The following IDO2 variants were observed in gnomAD, a reference collection of about 807,000 sequenced individuals.
The protein encoded by IDO2 is indoleamine 2,3-dioxygenase 2, also known as indoleamine 2,3-dioxygenase-like 1 protein.
In IDO2, 46 loss-of-function variants were observed where a neutral mutation model predicts 45.1. The ratio of observed to expected loss-of-function variants is 1.02; its 90% CI spans 0.80 to 1.30. The LOEUF (loss-of-function observed/expected upper bound fraction) is 1.30, where lower values mean the gene tolerates loss of function less well. IDO2 is among the 50% of genes most tolerant of loss of function. IDO2 has a pLI of 0.00. For synonymous variants in IDO2, 218 were observed against 184.9 expected, an observed-to-expected ratio of 1.18 and a Z score of -1.45; for missense variants, 544 against 491.8, an observed-to-expected ratio of 1.11 and a Z score of -1.00.
intron 2 of IDO2, among the ~76,000 whole-genome samples, chr8:39,956,170 C>T (rs1163340971): frequency 6.6e-6 from 1 of 151,546 alleles, no homozygotes; most frequent in Admixed American, 6.6e-5. Context: ...GAGAGTCTCT[C>T]GACTCAGCCT....
At chr8:39,978,079 A>G (rs912376738) in intron 3 of IDO2, among the ~76,000 whole-genome samples, 1 of 152,184 alleles carries the variant, frequency 6.6e-6, no homozygotes, top group African/African-American at 2.4e-5. Context: ...ATGGTGAATG[A>G]GAGCTCATTT....
At chr8:39,942,314 C>A (rs1585393671) in intron 1 of IDO2, among the ~76,000 whole-genome samples, 1 of 152,304 alleles carries the variant, frequency 6.6e-6, no homozygotes, top group African/African-American at 2.4e-5. Context: ...GATGATAGAA[C>A]ACAGACTCAC....
At chr8:39,943,100 G>C (rs556443889) in intron 1 of IDO2, among the ~76,000 whole-genome samples, 356 of 152,312 alleles carry the variant, frequency 2.3e-3, no homozygotes, top group Non-Finnish European at 3.5e-3. Flanking sequence ...GGGCGCAGTG[G>C]CTCACGCCTG....
intron 9 of IDO2, among the ~76,000 whole-genome samples, chr8:40,005,742 G>A (rs539930752): frequency 2.2e-4 from 33 of 152,262 alleles, no homozygotes; most frequent in African/African-American, 7.7e-4. Flanking sequence ...GTGTAGTATA[G>A]AGTTGGATAG....
chr8:39,944,594 C>T (rs1239187865), intron 1 of IDO2, among the ~76,000 whole-genome samples: 1 of 152,152 alleles, frequency 6.6e-6, no homozygotes, highest in African/African-American at 2.4e-5. Flanking sequence ...AAGCTATATC[C>T]GCAATTCACA....
intron 1 of IDO2, among the ~76,000 whole-genome samples, chr8:39,948,441 TCAC>T: frequency 6.6e-6 from 1 of 152,188 alleles, no homozygotes; most frequent in Non-Finnish European, 1.5e-5. Flanking sequence ...TGAGCTAAGG[TCAC>T]AGTAAGACTC....
In IDO2 at chr8:39,988,796, G is replaced by A. The variant is rs568968361; in HGVS notation, c.549+826G>A. 2.6e-5 allele frequency among the ~76,000 whole-genome samples: 4 copies of A among 152,162 alleles called. No individual in the cohort carries two copies. The South Asian group carries it at 8.3e-4, about 32-fold the overall frequency. On this transcript the variant is annotated intron_variant, in intron 7 of 10. Transcript: ENST00000502986. ...TGACCCATTTCTGCTATATTATAGC[G>A]CTTTCTTTCTCTCTCAGTAGTTAAA...
At chr8:39,935,708 C>T (rs997215068) in intron 1 of IDO2, among the ~76,000 whole-genome samples, 2 of 152,162 alleles carry the variant, frequency 1.3e-5, no homozygotes, top group Non-Finnish European at 2.9e-5. Context: ...CTTTGACCTC[C>T]CAAAATGCTG....
chr8:40,013,625 C>T (rs1421480201), exon 10 of IDO2: 5 of 1,613,710 alleles, frequency 3.1e-6, no homozygotes, highest in Non-Finnish European at 4.2e-6. Flanking sequence ...CCCAAGAGCC[C>T]CTGAAATACT....
At chr8:39,940,243 C>G (rs1046611907) in intron 1 of IDO2, among the ~76,000 whole-genome samples, 3 of 152,164 alleles carry the variant, frequency 2.0e-5, no homozygotes, top group African/African-American at 7.2e-5. Flanking sequence ...CAAAGTTCTA[C>G]CGGACACGCA....
intron 9 of IDO2, among the ~76,000 whole-genome samples, chr8:40,005,780 G>C (rs1445293371): frequency 1.3e-5 from 2 of 152,134 alleles, no homozygotes; most frequent in African/African-American, 2.4e-5. Flanking sequence ...AAAGTTCCTG[G>C]AAGAGCTACA....
At chr8:39,982,881 A>T (rs1250336729) in intron 5 of IDO2, 111 bp downstream of exon 5, 2 of 702,938 alleles carry the variant, frequency 2.8e-6, no homozygotes, top group Non-Finnish European at 4.5e-6. Flanking sequence ...TATGGTTCCA[A>T]AGAAGGGGTG....
intron 7 of IDO2, 92 bp downstream of exon 7, chr8:39,988,062 CA>C (rs1808450906): frequency 6.9e-6 from 5 of 721,782 alleles, no homozygotes; most frequent in Non-Finnish European, 1.2e-5. Context: ...TTTCTCAACA[CA>C]AATGAACATA....
chr8:39,977,693 A>G (rs1808283055), intron 3 of IDO2, among the ~76,000 whole-genome samples: 2 of 152,236 alleles, frequency 1.3e-5, no homozygotes, highest in Admixed American at 1.3e-4. Context: ...AAACAAAACA[A>G]AACGAAACAA....
rs73619581 is a variant in IDO2 at position 39,963,700 on chromosome 8, C to T, written c.192C>T (p.Asp64=). The change falls in exon 3 of 11, where the codon GAC becomes GAT. Residue 64 remains aspartate, a synonymous_variant. Transcript: ENST00000502986. ...CTCACCAGCTTCAAGCTCATGTGGACAAGGTATTCTTCTCTTCACCCCCTC... is the reference window on the plus strand; with the variant it reads ...CTCACCAGCTTCAAGCTCATGTGGATAAGGTATTCTTCTCTTCACCCCCTC... The T allele has an allele frequency of 3.8e-6, 6 of 1,591,814 alleles. No individual in the cohort carries two copies. The East Asian group carries it at 1.1e-4, about 30-fold the overall frequency.
intron 8 of IDO2, among the ~76,000 whole-genome samples, chr8:39,994,630 G>A (rs970752584): frequency 6.6e-6 from 1 of 151,064 alleles, no homozygotes; most frequent in African/African-American, 2.4e-5. Context: ...GCCCCAGTGG[G>A]TCCTTCTGGC....
chr8:39,968,888 TA>T lies in IDO2; in HGVS notation c.195+5199del, dbSNP rs753978365. Among the ~76,000 whole-genome samples the T allele has an allele frequency of 1.8e-3, 230 of 130,540 alleles. 1 individual carries two copies. Among genetic ancestry groups the T allele is most frequent in the South Asian group, 0.01 (41 of 3,992 alleles). 85.6% of individuals were successfully genotyped at this position (130,540 alleles called of 152,430 possible). A position where few individuals can be genotyped will look rare whatever the true frequency, so the allele number is the denominator to read the frequency against. On this transcript the variant is annotated intron_variant, in intron 3 of 10. Transcript: ENST00000502986. The stretch of plus-strand genomic sequence containing the variant: ...AACTTAAAGCAAATTTTTAAAAAAG[TA>T]AAAAAAAAAAAAACAAACAACAACA...
intron 9 of IDO2, among the ~76,000 whole-genome samples, chr8:40,006,652 T>TTTTATTTTAC (rs1802226830): frequency 6.6e-6 from 1 of 151,300 alleles, no homozygotes; most frequent in South Asian, 2.1e-4. Context: ...TATTATTTTA[T>TTTTATTTTAC]TTTATTTTAT....
chr8:39,948,497 T>C (rs969044426), intron 1 of IDO2, among the ~76,000 whole-genome samples: 2 of 152,214 alleles, frequency 1.3e-5, no homozygotes, highest in African/African-American at 4.8e-5. Context: ...TGTTAAAGAT[T>C]TTCTCCTTTA....
Sources: gnomAD v4.1 joint callset for allele counts (sites outside exome capture counted in the v4.1 genomes callset) on GRCh38, gnomAD v4.1.1 for gene constraint, MANE v1.5 for transcripts, NCBI Gene and HGNC (gene_info 2026-07-23, HGNC 2026-07-21) for gene names.